The following PCSK5 variants were observed in gnomAD, a reference collection of about 807,000 sequenced individuals.
PCSK5 encodes prohormone convertase 5.
A neutral mutation model predicts 233.2 loss-of-function variants in PCSK5; 129 were observed. The ratio of observed to expected loss-of-function variants is 0.55; its 90% confidence interval spans 0.48 to 0.64. PCSK5 has a LOEUF of 0.64. Ranked by LOEUF, PCSK5 falls within the 30% of genes least tolerant of loss-of-function variation. The pLI, the probability that PCSK5 is intolerant of heterozygous loss-of-function variation, is 0.00. For synonymous variants in PCSK5, 825 were observed against 879.2 expected, an observed-to-expected ratio of 0.94 and a Z score of 1.09; for missense variants, 2,076 against 2,430.1, an observed-to-expected ratio of 0.85 and a Z score of 3.06.
chr9:75,991,872 T>G (rs1826781148), intron 3 of PCSK5, among the ~76,000 whole-genome samples: 1 of 152,070 alleles, frequency 6.6e-6, no homozygotes, highest in Non-Finnish European at 1.5e-5. Context: ...TATAAAATGT[T>G]TAGAATGTTC....
intron 2 of PCSK5, among the ~76,000 whole-genome samples, chr9:75,954,024 G>A (rs1254790756): frequency 3.3e-5 from 5 of 152,252 alleles, no homozygotes; most frequent in Non-Finnish European, 7.4e-5. Flanking sequence ...ACACTGGAAG[G>A]TGTTAAGCTG....
chr9:75,965,003 G>C (rs1825512529), intron 2 of PCSK5, among the ~76,000 whole-genome samples: 1 of 152,136 alleles, frequency 6.6e-6, no homozygotes, highest in East Asian at 1.9e-4. Flanking sequence ...GCCTGAGGGG[G>C]AACAGACCTT....
Position 76,119,474 on chromosome 9 carries a change from A to G in PCSK5, c.1208+12123A>G, listed in dbSNP as rs370510201. ...ATGCTGATGAAGCTATGTATGTTTTACCCTAAATGAGTCCAGATTTACATG... is the reference window on the plus strand; with the variant it reads ...ATGCTGATGAAGCTATGTATGTTTTGCCCTAAATGAGTCCAGATTTACATG... On this transcript the variant is annotated intron_variant, in intron 9 of 37. Coordinates refer to ENST00000674117, the MANE Select transcript of PCSK5 (RefSeq NM_001372043.1). 3.3e-5 allele frequency among the ~76,000 whole-genome samples: 5 copies of G among 152,146 alleles called. No individual in the cohort carries two copies. The South Asian group carries it at 8.3e-4, about 25-fold the overall frequency.
At chr9:76,144,146 G>A (rs1047846132) in intron 10 of PCSK5, among the ~76,000 whole-genome samples, 3 of 151,800 alleles carry the variant, frequency 2.0e-5, no homozygotes, top group African/African-American at 7.3e-5. Context: ...TCTTTTTCTC[G>A]GCCCTGAAGC....
chr9:76,047,155 G>A (rs987103597), intron 5 of PCSK5, among the ~76,000 whole-genome samples: 3 of 151,176 alleles, frequency 2.0e-5, no homozygotes, highest in African/African-American at 7.3e-5. Context: ...GGAGTGCAAT[G>A]GTGAGATCTC....
chr9:76,088,711 C>T (rs947290282), intron 7 of PCSK5, among the ~76,000 whole-genome samples: 3 of 152,212 alleles, frequency 2.0e-5, no homozygotes, highest in East Asian at 3.9e-4. Flanking sequence ...AGCTCTTATC[C>T]CATAGATGTC....
At chr9:76,096,847 C>A in intron 8 of PCSK5, among the ~76,000 whole-genome samples, 1 of 150,762 alleles carries the variant, frequency 6.6e-6, no homozygotes, top group Middle Eastern at 3.5e-3. Context: ...GTGATCCTCC[C>A]GCCTCAGCTT....
intron 33 of PCSK5, among the ~76,000 whole-genome samples, chr9:76,330,616 T>G (rs1192325154): frequency 1.3e-5 from 2 of 151,944 alleles, no homozygotes; most frequent in African/African-American, 2.4e-5. Context: ...AATTTTAAAT[T>G]TAAAAATTTT....
intron 24 of PCSK5, among the ~76,000 whole-genome samples, chr9:76,258,216 G>A (rs1827045645): frequency 1.3e-5 from 2 of 152,192 alleles, no homozygotes; most frequent in South Asian, 2.1e-4. Context: ...GGACCAGAAA[G>A]AGCTGACAGC....
At chr9:75,987,701 G>A (rs145097696) in intron 3 of PCSK5, among the ~76,000 whole-genome samples, 39 of 152,306 alleles carry the variant, frequency 2.6e-4, no homozygotes, top group African/African-American at 8.9e-4. Context: ...GCGGATCTAA[G>A]CATCCTTAGC....
intron 5 of PCSK5, among the ~76,000 whole-genome samples, chr9:76,054,176 G>C (rs902842724): frequency 6.6e-6 from 1 of 152,108 alleles, no homozygotes; most frequent in Non-Finnish European, 1.5e-5. Context: ...CCTCCCAACT[G>C]GTCCCTCCGA....
intron 24 of PCSK5, among the ~76,000 whole-genome samples, chr9:76,267,099 G>A (rs960799136): frequency 2.6e-5 from 4 of 152,148 alleles, no homozygotes; most frequent in Non-Finnish European, 5.9e-5. Flanking sequence ...AAGAACAATG[G>A]CCTTGGAATC....
intron 20 of PCSK5, among the ~76,000 whole-genome samples, chr9:76,206,442 G>A (rs1378628975): frequency 6.6e-6 from 1 of 152,192 alleles, no homozygotes; most frequent in African/African-American, 2.4e-5. Flanking sequence ...CCAGAAGACA[G>A]AGCCCCTTTC....
At chr9:75,970,461 A>G (rs1425183717) in intron 2 of PCSK5, among the ~76,000 whole-genome samples, 1 of 152,152 alleles carries the variant, frequency 6.6e-6, no homozygotes, top group African/African-American at 2.4e-5. Flanking sequence ...TTCTCTACTC[A>G]TCAGACAGTT....
intron 1 of PCSK5, among the ~76,000 whole-genome samples, chr9:75,919,462 G>T (rs1434924596): frequency 6.6e-6 from 1 of 152,136 alleles, no homozygotes; most frequent in Non-Finnish European, 1.5e-5. Context: ...TTTTCTTGAG[G>T]AATATACTTA....
chr9:76,001,468 C>CTTTTTTTT lies in PCSK5; in HGVS notation c.411+15237_411+15244dup, dbSNP rs34379742. Among the ~76,000 whole-genome samples, 11 of 87,150 alleles carry CTTTTTTTT rather than the reference C, an allele frequency of 1.3e-4. 1 individual carries two copies. Among genetic ancestry groups the CTTTTTTTT allele is most frequent in the Non-Finnish European group, 1.0e-4 (5 of 48,392 alleles). The allele number at this position is 87,150 out of a possible 152,430, so 57.2% of individuals were successfully genotyped here. ...TTTCAAGTCTGCTCTACCATCATAG[C>CTTTTTTTT]TTTTTTTTTTTTTTTTTTTTTGCCA... On this transcript the variant is annotated intron_variant, in intron 3 of 37. Coordinates refer to ENST00000674117, the MANE Select transcript of PCSK5 (RefSeq NM_001372043.1).
intron 26 of PCSK5, 115 bp from the exon 27 acceptor site, chr9:76,296,550 A>G: frequency 1.5e-6 from 1 of 674,016 alleles, no homozygotes; most frequent in South Asian, 1.9e-5. Flanking sequence ...CTCAAAAATA[A>G]TAATAAAAAC....
intron 5 of PCSK5, among the ~76,000 whole-genome samples, chr9:76,044,503 C>T (rs971843434): frequency 6.6e-6 from 1 of 152,160 alleles, no homozygotes. Flanking sequence ...CACTGGGAGA[C>T]TTAATTATCT....
At chr9:76,260,816 C>A (rs970676250) in intron 24 of PCSK5, among the ~76,000 whole-genome samples, 4 of 152,062 alleles carry the variant, frequency 2.6e-5, no homozygotes, top group African/African-American at 9.7e-5. Context: ...TTTGTTATGG[C>A]AGCAATAGAA....
Sources: gnomAD v4.1 joint callset for allele counts (sites outside exome capture counted in the v4.1 genomes callset) on GRCh38, gnomAD v4.1.1 for gene constraint, MANE v1.5 for transcripts, NCBI Gene and HGNC (gene_info 2026-07-23, HGNC 2026-07-21) for gene names.